The following KCNT2 variants were observed in gnomAD, a reference collection of about 807,000 sequenced individuals.
The protein encoded by KCNT2 is potassium channel subfamily T member 2.
KCNT2 carries 67 observed loss-of-function variants against 153.8 expected under a neutral mutation model. The ratio of observed to expected loss-of-function variants is 0.44; its 90% CI spans 0.36 to 0.53. KCNT2 has a LOEUF of 0.53. KCNT2 is among the 20% of genes least tolerant of loss of function. KCNT2 has a pLI of 0.00. For missense variants in KCNT2, 975 were observed against 1,354.8 expected (o/e 0.72, Z 4.40); for synonymous variants, 500 against 458.8 (o/e 1.09, Z -1.15).
chr1:196,519,528 A>G (rs574106458), intron 1 of KCNT2, among the ~76,000 whole-genome samples: 1 of 152,188 alleles, frequency 6.6e-6, no homozygotes, highest in East Asian at 1.9e-4. Flanking sequence ...TAAAAAAATA[A>G]TAAGTTAGAT....
chr1:196,285,686 T>A lies in KCNT2; in HGVS notation c.2668A>T (p.Ile890Phe). The A allele has an allele frequency of 6.2e-7, 1 of 1,612,382 alleles. No homozygotes were observed. Among genetic ancestry groups the A allele is most frequent in the South Asian group, 1.1e-5 (1 of 91,046 alleles). ...LPFAAGRVFS[I>F]SMLDTLLYQS... ...TACAGCAGAGTGTCCAACATACTGA[T>A]GCTAAACACCCTCCCAGCAGCAAAA... The change falls in exon 23 of 28, where the codon ATC (isoleucine) becomes TTC (phenylalanine). Residue 890 changes from isoleucine to phenylalanine, a missense_variant. Physicochemically the swap from Ile to Phe is conservative, Grantham distance 21. Transcript: ENST00000294725.
At chr1:196,540,935 G>A (rs1037705535) in intron 1 of KCNT2, among the ~76,000 whole-genome samples, 10 of 151,786 alleles carry the variant, frequency 6.6e-5, no homozygotes, top group South Asian at 2.1e-4. Flanking sequence ...GCGTGGTGGC[G>A]GGCGCCTGTA....
intron 1 of KCNT2, among the ~76,000 whole-genome samples, chr1:196,493,721 G>GTTAC (rs1680035533): frequency 1.3e-5 from 2 of 152,050 alleles, no homozygotes; most frequent in Non-Finnish European, 2.9e-5. Context: ...ATTGTGTGAT[G>GTTAC]TTACCCTCAA....
intron 1 of KCNT2, among the ~76,000 whole-genome samples, chr1:196,562,299 T>A (rs1659516937): frequency 6.6e-6 from 1 of 152,012 alleles, no homozygotes; most frequent in Non-Finnish European, 1.5e-5. Flanking sequence ...ACCTTATTGC[T>A]ACAAAAAGTC....
At chr1:196,565,398 T>C (rs1257958403) in intron 1 of KCNT2, among the ~76,000 whole-genome samples, 1 of 151,270 alleles carries the variant, frequency 6.6e-6, no homozygotes, top group Non-Finnish European at 1.5e-5. Flanking sequence ...TTCAAAAAAA[T>C]AAAAAAATAG....
At chr1:196,525,199 G>A (rs537166209) in intron 1 of KCNT2, among the ~76,000 whole-genome samples, 1 of 152,032 alleles carries the variant, frequency 6.6e-6, no homozygotes, top group African/African-American at 2.4e-5. Context: ...TATTTTCACA[G>A]TTATTTGTAG....
At chr1:196,320,088 T>C (rs1663140722) in intron 19 of KCNT2, among the ~76,000 whole-genome samples, 1 of 151,784 alleles carries the variant, frequency 6.6e-6, no homozygotes, top group African/African-American at 2.4e-5. Flanking sequence ...GCAAAATATG[T>C]ATTATATAAA....
chr1:196,602,210 G>A (rs1305907234), intron 1 of KCNT2, among the ~76,000 whole-genome samples: 4 of 152,024 alleles, frequency 2.6e-5, no homozygotes, highest in Non-Finnish European at 4.4e-5. Flanking sequence ...TCAGAAAAAG[G>A]CCAAGTGAAC....
At chr1:196,249,676 G>A (rs891555183) in intron 26 of KCNT2, among the ~76,000 whole-genome samples, 4 of 151,946 alleles carry the variant, frequency 2.6e-5, no homozygotes, top group Non-Finnish European at 4.4e-5. Context: ...GGGAGGCTGA[G>A]GCAGGCAAAT....
chr1:196,527,388 T>C (rs1032259397), intron 1 of KCNT2, among the ~76,000 whole-genome samples: 1 of 152,156 alleles, frequency 6.6e-6, no homozygotes, highest in Non-Finnish European at 1.5e-5. Context: ...TAAAAATGCA[T>C]CATACTAACA....
At chr1:196,289,576 C>T (rs114938065) in intron 22 of KCNT2, among the ~76,000 whole-genome samples, 2,386 of 152,132 alleles carry the variant, frequency 0.016, 56 homozygotes, top group African/African-American at 0.054. Flanking sequence ...ATGCCAGAAA[C>T]AAGAAACAAA....
intron 1 of KCNT2, among the ~76,000 whole-genome samples, chr1:196,547,134 T>A (rs1445254313): frequency 6.6e-6 from 1 of 151,992 alleles, no homozygotes; most frequent in Non-Finnish European, 1.5e-5. Flanking sequence ...AGAGTACTCA[T>A]CACACTTCCT....
At chr1:196,603,563 A>C (rs1232505659) in intron 1 of KCNT2, among the ~76,000 whole-genome samples, 1 of 152,204 alleles carries the variant, frequency 6.6e-6, no homozygotes, top group African/African-American at 2.4e-5. Flanking sequence ...CTATTTTTGT[A>C]AATACCTCTT....
intron 14 of KCNT2, among the ~76,000 whole-genome samples, chr1:196,371,013 T>C (rs1163456707): frequency 1.3e-5 from 2 of 151,970 alleles, no homozygotes; most frequent in Non-Finnish European, 2.9e-5. Flanking sequence ...CATGCACATA[T>C]ATCCCCTGAA....
chr1:196,291,682 A>G lies in KCNT2; in HGVS notation c.2596-5924T>C, dbSNP rs942330460. ...CTGGCAGTAATTAGTCCAAATCTGA[A>G]CTACAGAGGAGTTTCATTTGGGCTG... On this transcript the variant is annotated intron_variant, in intron 22 of 27. Transcript: ENST00000294725. 4.6e-5 allele frequency among the ~76,000 whole-genome samples: 7 copies of G among 152,258 alleles called. No homozygotes were observed. The East Asian group carries it at 1.2e-3, about 25-fold the overall frequency.
rs1344868928 is a variant in KCNT2 at position 196,478,949 on chromosome 1, T to G, written c.384+230A>C. Among the ~76,000 whole-genome samples, 5 of 152,336 alleles carry G rather than the reference T, an allele frequency of 3.3e-5. No individual in the cohort carries two copies. In the East Asian group the frequency reaches 9.6e-4, roughly 29 times the overall value. ...CCATTTGCTTGTCTCACTATATGCA[T>G]GCATATAATGGGTAAGTAAACCCAT... On this transcript the variant is annotated intron_variant, in intron 5 of 27. Coordinates refer to ENST00000294725, the MANE Select transcript of KCNT2 (RefSeq NM_198503.5).
Position 196,398,352 on chromosome 1 carries a change from T to C in KCNT2, c.1294+211A>G, listed in dbSNP as rs148769903. Among the ~76,000 whole-genome samples the C allele has an allele frequency of 5.1e-3, 769 of 151,600 alleles. 7 individuals are homozygous for C. The highest frequency in any genetic ancestry group is 0.034 in the Middle Eastern group (10 of 292). On this transcript the variant is annotated intron_variant, in intron 13 of 27. Coordinates refer to ENST00000294725, the MANE Select transcript of KCNT2 (RefSeq NM_198503.5). ...AAGGTACTAAAATCACCAAGTTATA[T>C]AAAAAAATTAAGACTCAAGCAAAAG...
intron 8 of KCNT2, among the ~76,000 whole-genome samples, chr1:196,439,375 G>A (rs534027619): frequency 2.5e-4 from 38 of 151,898 alleles, no homozygotes; most frequent in Admixed American, 6.6e-4. Flanking sequence ...TACAACCAAT[G>A]TACAACAGAA....
intron 9 of KCNT2, 32 bp downstream of exon 9, chr1:196,429,545 A>C: frequency 6.8e-7 from 1 of 1,472,466 alleles, no homozygotes; most frequent in Non-Finnish European, 9.2e-7. Flanking sequence ...GTCTCTGTAC[A>C]TTTCTATGCA....
Sources: allele counts gnomAD v4.1 joint callset (sites outside exome capture counted in the v4.1 genomes callset), GRCh38; gene constraint gnomAD v4.1.1; transcripts MANE v1.5; gene names NCBI Gene and HGNC (gene_info 2026-07-23, HGNC 2026-07-21).